The following SLC39A8 variants were observed in gnomAD, a reference collection of about 807,000 sequenced individuals.
SLC39A8 encodes the protein metal cation symporter ZIP8.
A neutral mutation model predicts 40.4 loss-of-function variants in SLC39A8; 15 were observed. The observed-to-expected ratio is 0.37, with a 90% CI of 0.25 to 0.57. The LOEUF (loss-of-function observed/expected upper bound fraction) is 0.57. SLC39A8 is among the 20% of genes least tolerant of loss of function. SLC39A8 has a pLI of 0.75. For missense variants in SLC39A8, 472 were observed against 558.8 expected (o/e 0.84, Z 1.57); for synonymous variants, 223 against 221.6 (o/e 1.01, Z -0.06).
At chr4:102,332,192 T>A (rs1265888588) in intron 2 of SLC39A8, among the ~76,000 whole-genome samples, 5 of 152,178 alleles carry the variant, frequency 3.3e-5, no homozygotes, top group African/African-American at 1.2e-4. Flanking sequence ...AAAGAGCTTC[T>A]GCACAGCAAA....
intron 4 of SLC39A8, among the ~76,000 whole-genome samples, 199 bp from the exon 5 acceptor site, chr4:102,305,310 C>T (rs573162806): frequency 2.0e-5 from 3 of 151,996 alleles, no homozygotes; most frequent in Admixed American, 1.3e-4. Context: ...GGCACAAAAA[C>T]CTTACAACTA....
chr4:102,272,305 G>C (rs1732396773), intron 6 of SLC39A8, among the ~76,000 whole-genome samples: 1 of 152,168 alleles, frequency 6.6e-6, no homozygotes, highest in South Asian at 2.1e-4. Context: ...TGGGAGTGGT[G>C]GTGGGCGCCT....
At chr4:102,251,446 C>T (rs1326738477) in exon 12 of SLC39A8, 1 of 152,122 alleles carries the variant, frequency 6.6e-6, no homozygotes, top group African/African-American at 2.4e-5. Context: ...TTTCCCAGGC[C>T]TGGTGGTCTG....
intron 2 of SLC39A8, among the ~76,000 whole-genome samples, chr4:102,318,263 G>C (rs1734747653): frequency 6.6e-6 from 1 of 152,108 alleles, no homozygotes; most frequent in African/African-American, 2.4e-5. Context: ...AGCTGGACAG[G>C]TGGTCAGGGA....
At chr4:102,343,124 A>G (rs948972038) in intron 2 of SLC39A8, among the ~76,000 whole-genome samples, 5 of 152,242 alleles carry the variant, frequency 3.3e-5, no homozygotes, top group African/African-American at 1.2e-4. Context: ...CCATGCCCAG[A>G]ACTGGAATTA....
At chr4:102,325,427 A>G (rs923386091) in intron 2 of SLC39A8, among the ~76,000 whole-genome samples, 4 of 152,098 alleles carry the variant, frequency 2.6e-5, no homozygotes, top group African/African-American at 9.7e-5. Context: ...ACACACTCAC[A>G]TGCATACACA....
chr4:102,277,771 C>T (rs1316682166), intron 6 of SLC39A8, among the ~76,000 whole-genome samples: 2 of 152,148 alleles, frequency 1.3e-5, no homozygotes, highest in African/African-American at 4.8e-5. Flanking sequence ...CAGCATAGTA[C>T]TGGTACCAAA....
intron 6 of SLC39A8, among the ~76,000 whole-genome samples, chr4:102,275,772 C>T (rs1053408962): frequency 3.9e-5 from 6 of 152,082 alleles, no homozygotes; most frequent in Non-Finnish European, 8.8e-5. Flanking sequence ...GAACGGAAAT[C>T]ATAACAAACA....
At chr4:102,279,347 G>T (rs1732773282) in intron 6 of SLC39A8, among the ~76,000 whole-genome samples, 1 of 152,024 alleles carries the variant, frequency 6.6e-6, no homozygotes, top group Admixed American at 6.6e-5. Context: ...ACTATAACTA[G>T]CTAGGGTAAT....
At chr4:102,316,537 T>A (rs900158711) in intron 2 of SLC39A8, among the ~76,000 whole-genome samples, 4 of 152,140 alleles carry the variant, frequency 2.6e-5, no homozygotes, top group Non-Finnish European at 5.9e-5. Context: ...AATGTTGTTC[T>A]CACATTTTAA....
At chr4:102,276,533 A>T (rs1368258943) in intron 6 of SLC39A8, among the ~76,000 whole-genome samples, 1 of 152,222 alleles carries the variant, frequency 6.6e-6, no homozygotes, top group Non-Finnish European at 1.5e-5. Context: ...GACTAGAGAG[A>T]TTCACAGTCG....
intron 6 of SLC39A8, among the ~76,000 whole-genome samples, chr4:102,280,757 T>C (rs567644693): frequency 6.6e-6 from 1 of 152,364 alleles, no homozygotes; most frequent in Non-Finnish European, 1.5e-5. Flanking sequence ...AAACTCTCTT[T>C]GCTAATTAAA....
intron 2 of SLC39A8, among the ~76,000 whole-genome samples, chr4:102,318,263 G>A (rs1734747653): frequency 6.6e-6 from 1 of 152,108 alleles, no homozygotes; most frequent in Admixed American, 6.6e-5. Flanking sequence ...AGCTGGACAG[G>A]TGGTCAGGGA....
At chr4:102,306,762 T>C (rs1228592690) in intron 4 of SLC39A8, among the ~76,000 whole-genome samples, 1 of 152,084 alleles carries the variant, frequency 6.6e-6, no homozygotes, top group African/African-American at 2.4e-5. Flanking sequence ...TTGCCTCTCT[T>C]TTCCTTTCAT....
chr4:102,315,598 G>T lies in SLC39A8; in HGVS notation c.382+70C>A, dbSNP rs556175675. Reference sequence around the variant, plus strand: ...TAAAAGCAATAAAGCAGAAAAAGAGGCATATTAACTTCATTTCACAATGGT... The same window carrying T: ...TAAAAGCAATAAAGCAGAAAAAGAGTCATATTAACTTCATTTCACAATGGT... On this transcript the variant is annotated intron_variant, in intron 3 of 8. Coordinates refer to ENST00000356736, the MANE Select transcript of SLC39A8 (RefSeq NM_001135146.2). 3.2e-5 allele frequency: 42 copies of T among 1,316,968 alleles called. No homozygotes were observed. In the South Asian group the frequency reaches 3.7e-4, roughly 12 times the overall value. 81.6% of individuals were successfully genotyped at this position (1,316,968 alleles called of 1,614,324 possible).
At chr4:102,275,948 A>T (rs1389285769) in intron 6 of SLC39A8, among the ~76,000 whole-genome samples, 1 of 152,254 alleles carries the variant, frequency 6.6e-6, no homozygotes, top group Non-Finnish European at 1.5e-5. Context: ...GAGAACAAAG[A>T]CACAACGTAC....
At chr4:102,257,325 A>G (rs187553820), downstream of SLC39A8, among the ~76,000 whole-genome samples, 2 of 151,952 alleles carry the variant, frequency 1.3e-5, no homozygotes, top group African/African-American at 4.8e-5. Flanking sequence ...TAATTTATTT[A>G]TTTATTTTTA....
rs951211452 is a variant in SLC39A8 at position 102,296,864 on chromosome 4, T to C, written c.840+7453A>G. ...GGGGCTCCAGCGAAAAACCTGCCTT[T>C]ATATTTCTAGCATTTAGCCCACAAT... On this transcript the variant is annotated intron_variant, in intron 6 of 8. Coordinates refer to ENST00000356736, the MANE Select transcript of SLC39A8 (RefSeq NM_001135146.2). 2.0e-5 allele frequency among the ~76,000 whole-genome samples: 3 copies of C among 152,094 alleles called. 1 individual carries two copies. Among genetic ancestry groups the C allele is most frequent in the Admixed American group, 1.3e-4 (2 of 15,258 alleles).
At chr4:102,258,097 G>GT (rs1270948341), downstream of SLC39A8, among the ~76,000 whole-genome samples, 27 of 136,650 alleles carry the variant, frequency 2.0e-4, no homozygotes, top group African/African-American at 8.6e-4. Context: ...GTAAGTAAGT[G>GT]TTTTTTGTTT....
Sources: allele counts gnomAD v4.1 joint callset (sites outside exome capture counted in the v4.1 genomes callset), GRCh38; gene constraint gnomAD v4.1.1; transcripts MANE v1.5; gene names NCBI Gene and HGNC (gene_info 2026-07-23, HGNC 2026-07-21).